RIOK1: variants seen among roughly 807,000 people sequenced by gnomAD.
The protein encoded by RIOK1 is RIO kinase 1.
Under a neutral mutation model 73.5 loss-of-function variants are expected in RIOK1, and 66 were observed. The observed-to-expected ratio is 0.90, with a 90% CI of 0.74 to 1.10. RIOK1 has a LOEUF of 1.10. RIOK1 is among the 50% of genes least tolerant of loss of function. The pLI, the probability that RIOK1 is intolerant of heterozygous loss-of-function variation, is 0.00. For synonymous variants in RIOK1, 224 were observed against 226.8 expected, an observed-to-expected ratio of 0.99 and a Z score of 0.11; for missense variants, 658 against 699.8, an observed-to-expected ratio of 0.94 and a Z score of 0.67.
chr6:7,405,253 C>G lies in RIOK1; in HGVS notation c.1101C>G (p.Phe367Leu). 6.2e-7 allele frequency: 1 copy of G among 1,604,180 alleles called. No individual in the cohort carries two copies. Among genetic ancestry groups the G allele is most frequent in the Non-Finnish European group, 8.5e-7 (1 of 1,172,434 alleles). Reference sequence around the variant, plus strand: ...TAACGTTTTTCCTTCTGACAGATTTCTTTATGAGGCACAGTGTTGCTGTCA... The same window carrying G: ...TAACGTTTTTCCTTCTGACAGATTTGTTTATGAGGCACAGTGTTGCTGTCA... ...LRKDCANVND[F>L]FMRHSVAVMT... The change falls in exon 12 of 17, where the codon TTC becomes TTG. Residue 367 changes from phenylalanine (F) to leucine (L), a missense_variant. Physicochemically the swap from Phe to Leu is conservative, Grantham distance 22. Coordinates refer to ENST00000379834, the MANE Select transcript of RIOK1 (RefSeq NM_031480.3).
intron 16 of RIOK1, 67 bp from the exon 17 acceptor site, chr6:7,417,264 A>G: frequency 8.8e-7 from 1 of 1,130,094 alleles, no homozygotes; most frequent in Middle Eastern, 2.2e-4. Context: ...ACAAAAAACA[A>G]AAAACAAAAA....
chr6:7,390,413 A>G (rs74938605), intron 1 of RIOK1, among the ~76,000 whole-genome samples: 2,315 of 152,308 alleles, frequency 0.015, 65 homozygotes, highest in African/African-American at 0.053. Context: ...AATATGTACC[A>G]CGTTCTGTCC....
At chr6:7,394,300 G>C (rs1187845541) in intron 2 of RIOK1, among the ~76,000 whole-genome samples, 1 of 152,180 alleles carries the variant, frequency 6.6e-6, no homozygotes, top group African/African-American at 2.4e-5. Flanking sequence ...CGGGCGTGGT[G>C]GTGGGTGCCT....
In RIOK1 at chr6:7,390,207, G is replaced by T. The variant is rs189730813; in HGVS notation, c.71+134G>T. ...TCAGCGTCTCTCTTGACAACCCTTTGCCTGTTTCTGCATCCCAGCTGGGTT... is the reference window on the plus strand; with the variant it reads ...TCAGCGTCTCTCTTGACAACCCTTTTCCTGTTTCTGCATCCCAGCTGGGTT... On this transcript the variant is annotated intron_variant, in intron 1 of 16. Coordinates refer to ENST00000379834, the MANE Select transcript of RIOK1 (RefSeq NM_031480.3). The T allele has an allele frequency of 1.3e-5, 9 of 710,112 alleles. No homozygotes were observed. In the Admixed American group the frequency reaches 2.6e-4, roughly 21 times the overall value. 44.0% of individuals were successfully genotyped at this position (710,112 alleles called of 1,614,324 possible). A position where few individuals can be genotyped will look rare whatever the true frequency, so the allele number is the denominator to read the frequency against.
chr6:7,392,929 A>G (rs1761375821), intron 1 of RIOK1, 170 bp from the exon 2 acceptor site: 1 of 984,438 alleles, frequency 1.0e-6, no homozygotes, highest in Non-Finnish European at 1.2e-6. Context: ...GAACTGGAAA[A>G]CAGGAGAACA....
chr6:7,405,022 G>A lies in RIOK1; in HGVS notation c.1096+1G>A. On this transcript the variant is annotated splice_donor_variant, in intron 11 of 16. Transcript: ENST00000379834. LOFTEE classifies it high-confidence loss of function. ...AGAAAGGATTGCGCCAACGTCAATG[G>A]TGAGTAGAAACGGCAATTTTCGAAA... is the stretch of plus-strand genomic sequence containing the variant. The A allele has an allele frequency of 6.2e-7, 1 of 1,612,446 alleles. No individual in the cohort carries two copies. Among genetic ancestry groups the A allele is most frequent in the Non-Finnish European group, 8.5e-7 (1 of 1,178,718 alleles).
At chr6:7,405,107 A>T (rs1761712968) in intron 11 of RIOK1, 86 bp downstream of exon 11, 2 of 1,263,062 alleles carry the variant, frequency 1.6e-6, no homozygotes, top group Non-Finnish European at 2.3e-6. Context: ...AAATTTTCTC[A>T]CTAAATTGTT....
chr6:7,397,163 C>T (rs868394139), intron 4 of RIOK1, among the ~76,000 whole-genome samples: 2 of 152,160 alleles, frequency 1.3e-5, no homozygotes, highest in Admixed American at 6.5e-5. Context: ...ACTCAGGAGG[C>T]TGAGGTGTGA....
chr6:7,402,901 ACTGT>A lies in RIOK1; in HGVS notation c.767+8_767+11del, dbSNP rs549653477. On this transcript the variant is annotated splice_donor_5th_base_variant and intron_variant, in intron 8 of 16. Transcript: ENST00000379834. The stretch of plus-strand genomic sequence containing the variant: ...AAGAAATGAGGAACTTAATCAGGTG[ACTGT>A]CTGGGATGTGTGTATGTCTGTCCTA... The A allele has an allele frequency of 1.5e-4, 249 of 1,613,030 alleles. 1 individual carries two copies. The highest frequency in any genetic ancestry group is 2.0e-4 in the Non-Finnish European group (234 of 1,179,120).
rs562711678 is a variant in RIOK1, at chr6:7,414,347, C to T, written c.1553C>T (p.Ala518Val). 1 of 1,613,016 alleles carries T rather than the reference C, an allele frequency of 6.2e-7. No homozygotes were observed. Among genetic ancestry groups the T allele is most frequent in the Admixed American group, 1.7e-5 (1 of 59,780 alleles). ...DTDSEEQGDH[A>V]RPKKHTTDPD... ...GACTCTGAAGAGCAGGGAGACCATG[C>T]CCGCCCCAAGAAACACACCACGGAC... Residue 518 changes from alanine (A) to valine (V), a missense_variant, in exon 16 of 17, where the codon GCC becomes GTC. Physicochemically the swap from Ala to Val is moderately conservative, Grantham distance 64 (BLOSUM62 0). Coordinates refer to ENST00000379834, the MANE Select transcript of RIOK1 (RefSeq NM_031480.3).
At chr6:7,399,453 G>A (rs1761560130) in intron 5 of RIOK1, among the ~76,000 whole-genome samples, 1 of 152,088 alleles carries the variant, frequency 6.6e-6, no homozygotes, top group Admixed American at 6.6e-5. Context: ...ACAAAGTATG[G>A]TTCACCTCGG....
chr6:7,400,076 G>T (rs1242042887), intron 5 of RIOK1, among the ~76,000 whole-genome samples: 1 of 152,194 alleles, frequency 6.6e-6, no homozygotes, highest in Non-Finnish European at 1.5e-5. Flanking sequence ...AGATAAACAA[G>T]AACAGCCTTT....
In RIOK1 at chr6:7,414,235, A is replaced by G; in HGVS notation, c.1444-3A>G. On this transcript the variant is annotated splice_polypyrimidine_tract_variant and splice_region_variant and intron_variant, in intron 15 of 16. Transcript: ENST00000379834. Reference sequence around the variant, plus strand: ...AATAACATGGTTCTTTAATAATTTCAAGGTCCCTGCACTCCTAGAAAATCA... The same window carrying G: ...AATAACATGGTTCTTTAATAATTTCGAGGTCCCTGCACTCCTAGAAAATCA... 1 of 1,599,554 alleles carries G rather than the reference A, an allele frequency of 6.3e-7. No individual in the cohort carries two copies. Among genetic ancestry groups the G allele is most frequent in the African/African-American group, 1.4e-5 (1 of 74,052 alleles).
chr6:7,409,838 C>G (rs1327000069), intron 12 of RIOK1, among the ~76,000 whole-genome samples: 2 of 149,736 alleles, frequency 1.3e-5, no homozygotes, highest in Non-Finnish European at 1.5e-5. Flanking sequence ...CTATTTTTTC[C>G]TTTCTTCTAT....
chr6:7,402,258 T>C lies in RIOK1; in HGVS notation c.574-345T>C, dbSNP rs6938058. ...CTGTACAACAGGTTTCTGTACTGAA[T>C]ACTGTAACAATTGTAAGACAATGGT... On this transcript the variant is annotated intron_variant, in intron 6 of 16. Transcript: ENST00000379834. 9.7e-3 allele frequency among the ~76,000 whole-genome samples: 1,470 copies of C among 152,330 alleles called. 20 individuals carry two copies. The highest frequency in any genetic ancestry group is 0.034 in the African/African-American group (1,405 of 41,580).
chr6:7,398,664 A>G, intron 4 of RIOK1, 34 bp from the exon 5 acceptor site: 1 of 1,582,160 alleles, frequency 6.3e-7, no homozygotes, highest in Non-Finnish European at 8.6e-7. Flanking sequence ...CTGAATTTTG[A>G]ATGTGTCAAC....
At position 7,411,538 on chromosome 6, in the gene RIOK1, C is replaced by T. The variant is rs1027377750; in HGVS notation, c.1389+87C>T. The T allele has an allele frequency of 4.2e-6, 6 of 1,413,162 alleles. No individual in the cohort carries two copies. In the African/African-American group the frequency reaches 7.2e-5, roughly 17 times the overall value. 87.5% of individuals were successfully genotyped at this position (1,413,162 alleles called of 1,614,324 possible). A position where few individuals can be genotyped will look rare whatever the true frequency, so the allele number is the denominator to read the frequency against. ...ACCTATCTGGGCCTTTTAAGTTCCC[C>T]TAATCTTGAATATTGGCTTCTGAGC... On this transcript the variant is annotated intron_variant, in intron 14 of 16. Transcript: ENST00000379834.
intron 9 of RIOK1, 136 bp from the exon 10 acceptor site, chr6:7,404,282 G>C (rs1316386550): frequency 3.9e-6 from 4 of 1,035,678 alleles, no homozygotes; most frequent in Non-Finnish European, 5.6e-6. Context: ...GTACCTTCTT[G>C]GTTTATGTGC....
chr6:7,395,644 T>G (rs1184838095), intron 3 of RIOK1, among the ~76,000 whole-genome samples: 2 of 152,100 alleles, frequency 1.3e-5, no homozygotes, highest in South Asian at 2.1e-4. Context: ...CTATTTTGGT[T>G]GTTTTCCCAC....
Sources: allele counts gnomAD v4.1 joint callset (sites outside exome capture counted in the v4.1 genomes callset), GRCh38; gene constraint gnomAD v4.1.1; transcripts MANE v1.5; gene names NCBI Gene and HGNC (gene_info 2026-07-23, HGNC 2026-07-21).